Variants in ANKRD30BL observed in about 807,000 individuals in gnomAD.
The protein encoded by ANKRD30BL is ankyrin repeat domain 30B like.
Under a neutral mutation model 18.4 loss-of-function variants are expected in ANKRD30BL, and 20 were observed. The ratio of observed to expected loss-of-function variants is 1.09; its 90% CI spans 0.77 to 1.58. The LOEUF (loss-of-function observed/expected upper bound fraction) is 1.58. Among genes scored for constraint, ANKRD30BL ranks in the 40% most tolerant of loss-of-function variants. ANKRD30BL has a pLI of 0.00. For synonymous variants in ANKRD30BL, 72 were observed against 100.9 expected (o/e 0.71, Z 1.72); for missense variants, 224 against 268.6 (o/e 0.83, Z 1.16).
At position 132,190,228 on chromosome 2, in the gene ANKRD30BL, A is replaced by T. The variant is rs540136102; in HGVS notation, n.442-33082T>A. Among the ~76,000 whole-genome samples the T allele has an allele frequency of 2.0e-3, 307 of 152,212 alleles. 2 individuals carry two copies. Among genetic ancestry groups the T allele is most frequent in the South Asian group, 5.4e-3 (26 of 4,808 alleles). Reference sequence around the variant, plus strand: ...TGGGGATAAAACATTTTACATAAGAACTCCTTGAAAAAGGCAATCATGTGT... The same window carrying T: ...TGGGGATAAAACATTTTACATAAGATCTCCTTGAAAAAGGCAATCATGTGT... On this transcript the variant is annotated intron_variant and non_coding_transcript_variant, in intron 1 of 4. Coordinates refer to the ANKRD30BL transcript ENST00000470729.
At chr2:132,247,288 G>A (rs201844727) in intron 1 of ANKRD30BL, among the ~76,000 whole-genome samples, 11 of 149,504 alleles carry the variant, frequency 7.4e-5, no homozygotes, top group South Asian at 4.3e-4. Context: ...TATTTGGAGC[G>A]CTTTGAGGCC....
intron 1 of ANKRD30BL, among the ~76,000 whole-genome samples, chr2:132,234,136 AAC>A (rs1420820005): frequency 1.6e-4 from 25 of 152,188 alleles, no homozygotes; most frequent in African/African-American, 5.8e-4. Context: ...CTTTGAAACC[AAC>A]ATGAACAAAG....
chr2:132,162,787 A>T (rs1031637802), upstream of ANKRD30BL, among the ~76,000 whole-genome samples: 4 of 152,386 alleles, frequency 2.6e-5, no homozygotes, highest in Middle Eastern at 3.4e-3. Context: ...GCTGGTTTGC[A>T]GGCTCTGGGC....
At chr2:132,216,719 G>A (rs1346605370) in intron 1 of ANKRD30BL, among the ~76,000 whole-genome samples, 4 of 150,946 alleles carry the variant, frequency 2.6e-5, no homozygotes, top group Admixed American at 6.6e-5. Context: ...CTATACAGAA[G>A]CATTGAGGCC....
chr2:132,211,017 T>G lies in ANKRD30BL; in HGVS notation n.441+46512A>C, dbSNP rs1163602056. 4.1e-3 allele frequency among the ~76,000 whole-genome samples: 301 copies of G among 73,174 alleles called. 1 individual carries two copies. Among genetic ancestry groups the G allele is most frequent in the African/African-American group, 0.014 (291 of 20,710 alleles). 48.0% of individuals were successfully genotyped at this position (73,174 alleles called of 152,430 possible). On this transcript the variant is annotated intron_variant and non_coding_transcript_variant, in intron 1 of 4. Coordinates refer to the ANKRD30BL transcript ENST00000470729. ...TGTGGAATCTGCAAGTGGATATTTT[T>G]AACACTTGACAGCCTATGGTGGAAA...
chr2:132,202,043 C>T (rs564947916), intron 1 of ANKRD30BL, among the ~76,000 whole-genome samples: 1 of 151,988 alleles, frequency 6.6e-6, no homozygotes, highest in African/African-American at 2.4e-5. Flanking sequence ...ATCGCAAGAA[C>T]AAAAAACCAA....
At chr2:132,253,549 G>A (rs74462428) in intron 1 of ANKRD30BL, among the ~76,000 whole-genome samples, 1 of 152,126 alleles carries the variant, frequency 6.6e-6, no homozygotes, top group Non-Finnish European at 1.5e-5. Flanking sequence ...GGCCACACGT[G>A]CAGCATGCAC....
chr2:132,196,300 G>A (rs563737668), intron 1 of ANKRD30BL, among the ~76,000 whole-genome samples: 1 of 152,160 alleles, frequency 6.6e-6, no homozygotes, highest in Non-Finnish European at 1.5e-5. Context: ...CCAACATGGC[G>A]AAACCATAGC....
chr2:132,157,172 A>T, intron 2 of ANKRD30BL, 26 bp from the exon 3 acceptor site: 1 of 1,346,770 alleles, frequency 7.4e-7, no homozygotes. Flanking sequence ...CAAAAAGTAA[A>T]TTATAAATTA....
At chr2:132,156,494 G>C (rs1422541627) in intron 3 of ANKRD30BL, 1 of 152,158 alleles carries the variant, frequency 6.6e-6, no homozygotes, top group African/African-American at 2.4e-5. Flanking sequence ...GATGTAACTA[G>C]GTGGGCACAG....
At chr2:132,216,721 A>T (rs1573852739) in intron 1 of ANKRD30BL, among the ~76,000 whole-genome samples, 1 of 150,272 alleles carries the variant, frequency 6.7e-6, no homozygotes, top group Non-Finnish European at 1.5e-5. Flanking sequence ...ATACAGAAGC[A>T]TTGAGGCCTT....
At position 132,232,453 on chromosome 2, in the gene ANKRD30BL, C is replaced by T. The variant is rs1027283936; in HGVS notation, n.441+25076G>A. On this transcript the variant is annotated intron_variant and non_coding_transcript_variant, in intron 1 of 4. Coordinates refer to the ANKRD30BL transcript ENST00000470729. ...AAACTTTGAAAAAAATTTAGAAGCA[C>T]GTATAACTAGAATAACCAATAGAGA... Among the ~76,000 whole-genome samples the T allele has an allele frequency of 6.7e-4, 102 of 152,072 alleles. 1 individual carries two copies. The highest frequency in any genetic ancestry group is 1.1e-3 in the Non-Finnish European group (76 of 68,018).
intron 1 of ANKRD30BL, among the ~76,000 whole-genome samples, chr2:132,207,623 G>A (rs1373736875): frequency 3.3e-5 from 5 of 152,124 alleles, no homozygotes; most frequent in Non-Finnish European, 5.9e-5. Context: ...CACAGGGAAA[G>A]AACATGATAG....
At chr2:132,231,195 T>G (rs1679999821) in intron 1 of ANKRD30BL, among the ~76,000 whole-genome samples, 2 of 152,208 alleles carry the variant, frequency 1.3e-5, no homozygotes, top group African/African-American at 4.8e-5. Flanking sequence ...AGAAACTTCT[T>G]TGTGATGGTT....
intron 1 of ANKRD30BL, among the ~76,000 whole-genome samples, chr2:132,169,355 A>C (rs1450922180): frequency 2.0e-5 from 3 of 152,194 alleles, no homozygotes; most frequent in African/African-American, 7.2e-5. Context: ...CTTACATATT[A>C]AGATGAATGG....
rs34690292 is a variant in ANKRD30BL at position 132,180,220 on chromosome 2, C to CT, written n.442-23075dup. ...GGTAAGTGCCCTCTACAAGTGTACCCTTTTTTTTTTTTTTTTTACTGCACC... is the reference window on the plus strand; with the variant it reads ...GGTAAGTGCCCTCTACAAGTGTACCCTTTTTTTTTTTTTTTTTTACTGCACC... On this transcript the variant is annotated intron_variant and non_coding_transcript_variant, in intron 1 of 4. Coordinates refer to the ANKRD30BL transcript ENST00000470729. Among the ~76,000 whole-genome samples, 1,173 of 136,804 alleles carry CT rather than the reference C, an allele frequency of 8.6e-3. 8 individuals are homozygous for CT. Among genetic ancestry groups the CT allele is most frequent in the African/African-American group, 0.019 (694 of 36,588 alleles). 89.7% of individuals were successfully genotyped at this position (136,804 alleles called of 152,430 possible).
intron 1 of ANKRD30BL, among the ~76,000 whole-genome samples, chr2:132,230,874 C>T (rs939826437): frequency 3.4e-5 from 5 of 146,330 alleles, no homozygotes; most frequent in African/African-American, 1.0e-4. Flanking sequence ...TGTGCATTCA[C>T]CTCAGAGAGT....
intron 1 of ANKRD30BL, among the ~76,000 whole-genome samples, chr2:132,246,892 T>C (rs1271820126): frequency 1.3e-5 from 2 of 151,998 alleles, no homozygotes; most frequent in Admixed American, 6.6e-5. Context: ...TTTCTTTTGA[T>C]AGAGGAGTTT....
intron 5 of ANKRD30BL, among the ~76,000 whole-genome samples, chr2:132,149,608 T>TA (rs1325824449): frequency 6.6e-6 from 1 of 152,166 alleles, no homozygotes; most frequent in Non-Finnish European, 1.5e-5. Context: ...GCAAGAAAAG[T>TA]ATTATTGAGA....
Sources: gnomAD v4.1 joint callset for allele counts (sites outside exome capture counted in the v4.1 genomes callset) on GRCh38, gnomAD v4.1.1 for gene constraint, MANE v1.5 for transcripts, NCBI Gene and HGNC (gene_info 2026-07-23, HGNC 2026-07-21) for gene names.